Variants in PALM2AKAP2 observed in about 807,000 individuals in gnomAD.
PALM2AKAP2 encodes PALM2 and AKAP2 fusion, also known as PALM2-AKAP2 fusion protein.
PALM2AKAP2 carries 37 observed loss-of-function variants against 71.5 expected under a neutral mutation model. The ratio of observed to expected loss-of-function variants is 0.52; its 90% CI spans 0.40 to 0.68. PALM2AKAP2 has a LOEUF of 0.68. Among genes scored for constraint, PALM2AKAP2 ranks in the 30% least tolerant of loss-of-function variants. The pLI is 0.00. For missense variants in PALM2AKAP2, 1,224 were observed against 1,191.8 expected (o/e 1.03, Z -0.40); for synonymous variants, 468 against 478.8 (o/e 0.98, Z 0.29).
At chr9:109,886,671 T>A (rs1458369067) in intron 3 of PALM2AKAP2, among the ~76,000 whole-genome samples, 1 of 152,224 alleles carries the variant, frequency 6.6e-6, no homozygotes, top group African/African-American at 2.4e-5. Flanking sequence ...ATATCTTCAG[T>A]GAGCCATCTC....
intron 1 of PALM2AKAP2, among the ~76,000 whole-genome samples, chr9:110,118,833 G>A (rs1219290725): frequency 6.6e-6 from 1 of 152,066 alleles, no homozygotes; most frequent in Non-Finnish European, 1.5e-5. Context: ...GATAGCTTAT[G>A]AATATGCAAA....
intron 6 of PALM2AKAP2, among the ~76,000 whole-genome samples, chr9:110,011,014 A>AAAAAAAAAAAAAATAT (rs35212981): frequency 1.4e-5 from 1 of 69,588 alleles, no homozygotes. Flanking sequence ...AAAAAAAAAA[A>AAAAAAAAAAAAAATAT]ATATATATAT....
At chr9:109,775,139 G>A (rs1399045508) in intron 1 of PALM2AKAP2, among the ~76,000 whole-genome samples, 7 of 152,096 alleles carry the variant, frequency 4.6e-5, no homozygotes, top group African/African-American at 1.7e-4. Flanking sequence ...CTAACCATTT[G>A]GCTCTAATTG....
At chr9:109,986,797 T>C (rs1467727811) in intron 6 of PALM2AKAP2, among the ~76,000 whole-genome samples, 1 of 152,246 alleles carries the variant, frequency 6.6e-6, no homozygotes, top group Non-Finnish European at 1.5e-5. Context: ...AATGGATAAC[T>C]GCATTGAGGA....
At chr9:109,873,028 CTTAT>C (rs1829641883) in intron 2 of PALM2AKAP2, among the ~76,000 whole-genome samples, 1 of 152,166 alleles carries the variant, frequency 6.6e-6, no homozygotes, top group East Asian at 1.9e-4. Context: ...AAACCAAGAT[CTTAT>C]TTATTGAGAG....
intron 1 of PALM2AKAP2, among the ~76,000 whole-genome samples, chr9:109,716,308 G>T (rs971864694): frequency 2.0e-5 from 3 of 152,096 alleles, no homozygotes; most frequent in Non-Finnish European, 4.4e-5. Flanking sequence ...GGTTCCTGTG[G>T]CCACTGAATC....
intron 2 of PALM2AKAP2, among the ~76,000 whole-genome samples, chr9:109,872,415 C>T: frequency 6.6e-6 from 1 of 152,152 alleles, no homozygotes. Flanking sequence ...AGAGTAGGCA[C>T]TGAGTACCTA....
chr9:109,862,107 G>A (rs1244846528), intron 1 of PALM2AKAP2, among the ~76,000 whole-genome samples: 2 of 152,198 alleles, frequency 1.3e-5, no homozygotes, highest in South Asian at 2.1e-4. Context: ...AAGTGCTACA[G>A]TGCTTGAGGT....
intron 2 of PALM2AKAP2, among the ~76,000 whole-genome samples, chr9:110,155,656 G>A (rs1836434242): frequency 6.6e-6 from 1 of 152,158 alleles, no homozygotes; most frequent in Non-Finnish European, 1.5e-5. Context: ...AGGTCTGGGA[G>A]GCCTCAAACC....
chr9:110,041,729 C>T (rs1833514983), intron 7 of PALM2AKAP2, among the ~76,000 whole-genome samples: 1 of 152,184 alleles, frequency 6.6e-6, no homozygotes, highest in Non-Finnish European at 1.5e-5. Flanking sequence ...CAAGTGTTCT[C>T]TTATGACACC....
At chr9:109,813,675 G>A (rs1170487154) in intron 1 of PALM2AKAP2, among the ~76,000 whole-genome samples, 2 of 152,096 alleles carry the variant, frequency 1.3e-5, no homozygotes, top group African/African-American at 4.8e-5. Flanking sequence ...CCTGCATTTA[G>A]ACTGGCCCAT....
chr9:110,108,750 T>C (rs1766254758), intron 1 of PALM2AKAP2, among the ~76,000 whole-genome samples: 1 of 152,222 alleles, frequency 6.6e-6, no homozygotes, highest in Non-Finnish European at 1.5e-5. Context: ...CACTGCATTG[T>C]ACACTTAAAA....
intron 6 of PALM2AKAP2, among the ~76,000 whole-genome samples, chr9:109,981,651 G>T (rs1832273752): frequency 6.6e-6 from 1 of 152,158 alleles, no homozygotes; most frequent in African/African-American, 2.4e-5. Flanking sequence ...TGTTGTTGTT[G>T]TTTTGTTTTT....
intron 1 of PALM2AKAP2, among the ~76,000 whole-genome samples, chr9:109,816,310 A>G (rs77733999): frequency 1.3e-5 from 2 of 152,368 alleles, no homozygotes; most frequent in Non-Finnish European, 2.9e-5. Flanking sequence ...AAGACAGTGC[A>G]GTGATTGGAA....
chr9:109,819,287 T>G (rs1428229137), intron 1 of PALM2AKAP2, among the ~76,000 whole-genome samples: 1 of 152,232 alleles, frequency 6.6e-6, no homozygotes, highest in Admixed American at 6.5e-5. Flanking sequence ...AAAATTCATC[T>G]TAAAGGAAAT....
chr9:110,120,638 G>A (rs553284972), intron 1 of PALM2AKAP2, among the ~76,000 whole-genome samples: 1 of 152,318 alleles, frequency 6.6e-6, no homozygotes, highest in Non-Finnish European at 1.5e-5. Context: ...CGAGTAGCTG[G>A]GATTACAGGC....
chr9:110,087,360 C>G (rs930829536), intron 1 of PALM2AKAP2, among the ~76,000 whole-genome samples: 3 of 152,200 alleles, frequency 2.0e-5, no homozygotes, highest in Non-Finnish European at 4.4e-5. Context: ...GATCACTGCA[C>G]AGTACCTGAC....
At chr9:110,144,407 T>TA (rs1255896479) in intron 2 of PALM2AKAP2, among the ~76,000 whole-genome samples, 2 of 152,240 alleles carry the variant, frequency 1.3e-5, no homozygotes, top group Non-Finnish European at 2.9e-5. Context: ...TCATGGTAGT[T>TA]ACAATTTATC....
chr9:109,989,652 GT>G (rs1462097955), intron 6 of PALM2AKAP2, among the ~76,000 whole-genome samples: 1 of 152,212 alleles, frequency 6.6e-6, no homozygotes, highest in East Asian at 1.9e-4. Flanking sequence ...GTTTGCTGCT[GT>G]CAGGGGTAAC....
Sources: allele counts gnomAD v4.1 joint callset (sites outside exome capture counted in the v4.1 genomes callset), GRCh38; gene constraint gnomAD v4.1.1; transcripts MANE v1.5; gene names NCBI Gene and HGNC (gene_info 2026-07-23, HGNC 2026-07-21).